Variants in CNST observed in about 807,000 individuals in gnomAD.
The protein encoded by CNST is consortin.
Under a neutral mutation model 72.4 loss-of-function variants are expected in CNST, and 39 were observed. The observed-to-expected ratio is 0.54, with a 90% CI of 0.42 to 0.70. The LOEUF (loss-of-function observed/expected upper bound fraction) is 0.70. Ranked by LOEUF, CNST falls within the 30% of genes least tolerant of loss-of-function variation. The pLI is 0.00. For synonymous variants in CNST, 332 were observed against 320.1 expected, an observed-to-expected ratio of 1.04 and a Z score of -0.40; for missense variants, 871 against 868.5, an observed-to-expected ratio of 1.00 and a Z score of -0.04.
intron 1 of CNST, among the ~76,000 whole-genome samples, chr1:246,573,093 C>G (rs1028674255): frequency 2.6e-5 from 4 of 152,110 alleles, no homozygotes; most frequent in Non-Finnish European, 4.4e-5. Flanking sequence ...TTATTGATAC[C>G]CATTTTTGGC....
chr1:246,635,701 TTATCTC>T (rs1665172093), intron 6 of CNST, among the ~76,000 whole-genome samples: 1 of 152,190 alleles, frequency 6.6e-6, no homozygotes, highest in Non-Finnish European at 1.5e-5. Flanking sequence ...TGGTTAGTGA[TTATCTC>T]TAGAGCAGCC....
intron 2 of CNST, among the ~76,000 whole-genome samples, chr1:246,618,883 T>C (rs1663868783): frequency 6.6e-6 from 1 of 152,196 alleles, no homozygotes; most frequent in Non-Finnish European, 1.5e-5. Flanking sequence ...TGATCTCCTT[T>C]GGAAAGGGAG....
chr1:246,665,588 C>A, intron 10 of CNST, 112 bp from the exon 11 acceptor site: 1 of 837,364 alleles, frequency 1.2e-6, no homozygotes, highest in South Asian at 1.7e-5. Flanking sequence ...ACTTCCTATC[C>A]GTAGAGGACC....
At position 246,567,703 on chromosome 1, in the gene CNST, A is replaced by G. The variant is rs193061577; in HGVS notation, c.-52+1040A>G. ...AATTTGTTAGGACATCATAGAAAATATCTCATCAACTGTTGTGCAAACTGT... is the reference window on the plus strand; with the variant it reads ...AATTTGTTAGGACATCATAGAAAATGTCTCATCAACTGTTGTGCAAACTGT... On this transcript the variant is annotated intron_variant, in intron 1 of 10. Transcript: ENST00000366513. 2.0e-4 allele frequency among the ~76,000 whole-genome samples: 30 copies of G among 152,318 alleles called. No homozygotes were observed. In the East Asian group the frequency reaches 2.9e-3, roughly 15 times the overall value.
chr1:246,637,644 T>G (rs1218380664), intron 6 of CNST, among the ~76,000 whole-genome samples: 1 of 151,800 alleles, frequency 6.6e-6, no homozygotes, highest in Non-Finnish European at 1.5e-5. Flanking sequence ...AAGGACAGAG[T>G]TGATGTTTTC....
At chr1:246,608,493 T>G (rs1264279520) in intron 2 of CNST, among the ~76,000 whole-genome samples, 4 of 152,262 alleles carry the variant, frequency 2.6e-5, no homozygotes, top group Non-Finnish European at 5.9e-5. Context: ...CAAACATTAA[T>G]GCTTATTGAC....
At chr1:246,630,032 C>T (rs1360865258) in intron 3 of CNST, among the ~76,000 whole-genome samples, 1 of 152,198 alleles carries the variant, frequency 6.6e-6, no homozygotes, top group Non-Finnish European at 1.5e-5. Context: ...ATGCCCGGCT[C>T]TGCAGTTGAA....
chr1:246,620,579 A>ACT lies in CNST; in HGVS notation c.380-849_380-848dup, dbSNP rs368896485. Among the ~76,000 whole-genome samples the ACT allele has an allele frequency of 1.8e-4, 20 of 114,166 alleles. 1 individual carries two copies. The highest frequency in any genetic ancestry group is 3.2e-4 in the African/African-American group (9 of 27,904). 74.9% of individuals were successfully genotyped at this position (114,166 alleles called of 152,430 possible). ...CATACACACGATGGGCTCTGGGCAC[A>ACT]CTACAGGGAGGACGGCTTCAGTCGT... On this transcript the variant is annotated intron_variant, in intron 2 of 10. Transcript: ENST00000366513.
At chr1:246,574,730 A>G (rs1049066132) in intron 1 of CNST, among the ~76,000 whole-genome samples, 1 of 152,090 alleles carries the variant, frequency 6.6e-6, no homozygotes, top group Non-Finnish European at 1.5e-5. Context: ...CTCAACTTTC[A>G]TCAGATTTTT....
intron 2 of CNST, among the ~76,000 whole-genome samples, chr1:246,604,368 TA>T (rs1662539494): frequency 6.6e-6 from 1 of 152,168 alleles, no homozygotes; most frequent in Non-Finnish European, 1.5e-5. Context: ...GAAATTGATG[TA>T]ACAATTTTCT....
intron 1 of CNST, among the ~76,000 whole-genome samples, chr1:246,576,743 C>T (rs944036727): frequency 6.6e-6 from 1 of 151,984 alleles, no homozygotes; most frequent in African/African-American, 2.4e-5. Context: ...ATCCACCCCC[C>T]TCAGCCTTCC....
Position 246,576,466 on chromosome 1 carries a change from G to C in CNST, c.-52+9803G>C, listed in dbSNP as rs1249791287. Among the ~76,000 whole-genome samples the C allele has an allele frequency of 2.0e-5, 3 of 147,240 alleles. No homozygotes were observed. In the Admixed American group the frequency reaches 2.0e-4, roughly 10 times the overall value. On this transcript the variant is annotated intron_variant, in intron 1 of 10. Transcript: ENST00000366513. ...TTTGTTTTGGTTTAATTGTGTTAGAGTTAGAAGCACATAAAAATTATGTTT... is the reference window on the plus strand; with the variant it reads ...TTTGTTTTGGTTTAATTGTGTTAGACTTAGAAGCACATAAAAATTATGTTT...
At chr1:246,579,154 C>G (rs1660630310) in intron 1 of CNST, among the ~76,000 whole-genome samples, 1 of 152,176 alleles carries the variant, frequency 6.6e-6, no homozygotes, top group Non-Finnish European at 1.5e-5. Flanking sequence ...ATATTCTGCT[C>G]TATAATAGCT....
chr1:246,613,586 G>C (rs922408417), intron 2 of CNST, among the ~76,000 whole-genome samples: 7 of 148,814 alleles, frequency 4.7e-5, no homozygotes, highest in African/African-American at 1.7e-4. Context: ...TAGGGTACTT[G>C]TACTCTGAAT....
intron 9 of CNST, among the ~76,000 whole-genome samples, chr1:246,654,099 C>T (rs1166733889): frequency 6.6e-6 from 1 of 152,186 alleles, no homozygotes; most frequent in Admixed American, 6.5e-5. Context: ...CTCTCTTTAC[C>T]TGCAGGATAA....
chr1:246,590,463 T>C (rs1245704396), intron 1 of CNST, among the ~76,000 whole-genome samples: 1 of 152,190 alleles, frequency 6.6e-6, no homozygotes, highest in Non-Finnish European at 1.5e-5. Flanking sequence ...GCCTGTCTTA[T>C]AAACTAGGCA....
In CNST at chr1:246,591,586, ATAT is replaced by A; in HGVS notation, c.28_30del (p.Tyr10del). The A allele has an allele frequency of 6.2e-7, 1 of 1,614,054 alleles. No individual in the cohort carries two copies. Among genetic ancestry groups the A allele is most frequent in the Non-Finnish European group, 8.5e-7 (1 of 1,179,888 alleles). ...TAATGGATGACAGCGATACTCCTAC[ATAT>A]TATCTGCAAATAGAACCACAAGATG... On this transcript the variant is annotated inframe_deletion, in exon 2 of 11. Transcript: ENST00000366513.
Position 246,647,894 on chromosome 1 carries a change from T to C in CNST, c.1693T>C (p.Tyr565His). The C allele has an allele frequency of 6.2e-7, 1 of 1,614,074 alleles. No individual in the cohort carries two copies. Among genetic ancestry groups the C allele is most frequent in the Non-Finnish European group, 8.5e-7 (1 of 1,180,026 alleles). ...CLKDTEDSLS[Y>H]EDNQDDDSDL... ...AAAAGATACTGAAGATTCCCTTTCC[T>C]ATGAAGATAACCAAGACGACGACTC... Residue 565 changes from tyrosine (Y) to histidine (H), a missense_variant, in exon 9 of 11, where the codon TAT becomes CAT. Tyr to His is a moderately conservative substitution (Grantham distance 83). Transcript: ENST00000366513.
chr1:246,648,819 G>C (rs778973486), intron 9 of CNST, among the ~76,000 whole-genome samples: 1 of 151,882 alleles, frequency 6.6e-6, no homozygotes, highest in African/African-American at 2.4e-5. Context: ...TTCCCCCCAA[G>C]TTCACTTTTA....
Sources: allele counts gnomAD v4.1 joint callset (sites outside exome capture counted in the v4.1 genomes callset), GRCh38; gene constraint gnomAD v4.1.1; transcripts MANE v1.5; gene names NCBI Gene and HGNC (gene_info 2026-07-23, HGNC 2026-07-21).